The following ADARB2 variants were observed in gnomAD, a reference collection of about 807,000 sequenced individuals.
ADARB2 encodes the protein inactive double-stranded RNA-specific editase B2.
ADARB2 carries 25 observed loss-of-function variants against 62.2 expected under a neutral mutation model. The ratio of observed to expected loss-of-function variants is 0.40; its 90% CI spans 0.29 to 0.56. The LOEUF is 0.56. ADARB2 is among the 20% of genes least tolerant of loss of function. The pLI, the probability that ADARB2 is intolerant of heterozygous loss-of-function variation, is 0.43. For synonymous variants in ADARB2, 572 were observed against 500.8 expected, an observed-to-expected ratio of 1.14 and a Z score of -1.90; for missense variants, 1,071 against 1,077.4, an observed-to-expected ratio of 0.99 and a Z score of 0.08.
At chr10:1,298,720 ATTTTTTTTTTTTTTT>A (rs75978268) in intron 3 of ADARB2, among the ~76,000 whole-genome samples, 41 of 110,758 alleles carry the variant, frequency 3.7e-4, no homozygotes, top group African/African-American at 1.2e-3. Context: ...TGCGACGGGA[ATTTTTTTTTTTTTTT>A]TTTTTTTTTT....
At chr10:1,223,956 T>G (rs1273910206) in intron 6 of ADARB2, among the ~76,000 whole-genome samples, 16 of 152,180 alleles carry the variant, frequency 1.1e-4, no homozygotes, top group Admixed American at 3.9e-4. Context: ...TTAGGGAGGA[T>G]TCCCTCTTTT....
At chr10:1,557,451 A>G (rs1310844582) in intron 1 of ADARB2, among the ~76,000 whole-genome samples, 1 of 152,126 alleles carries the variant, frequency 6.6e-6, no homozygotes, top group African/African-American at 2.4e-5. Context: ...CGGTCCTCCA[A>G]CAGGCCCCAC....
chr10:1,233,694 G>A lies in ADARB2; in HGVS notation c.1513C>T (p.Leu505=), dbSNP rs1391955136. ...LHSPYEITTD[L]HSSKHLVRKF... ...AGAAGGTAAAAGCATGGTCTCTTACGGTCTGTGGTGATCTCGTAGGGAGAG... is the reference window on the plus strand; with the variant it reads ...AGAAGGTAAAAGCATGGTCTCTTACAGTCTGTGGTGATCTCGTAGGGAGAG... Residue 505 remains leucine (L), a splice_region_variant and synonymous_variant, in exon 6 of 10, where the codon CTG becomes TTG. Transcript: ENST00000381312. 16 of 1,612,640 alleles carry A rather than the reference G, an allele frequency of 9.9e-6. No individual in the cohort carries two copies. The highest frequency in any genetic ancestry group is 1.4e-5 in the Non-Finnish European group (16 of 1,179,324).
intron 1 of ADARB2, among the ~76,000 whole-genome samples, chr10:1,387,479 T>G (rs1832534890): frequency 6.6e-6 from 1 of 152,034 alleles, no homozygotes; most frequent in South Asian, 2.1e-4. Context: ...TGTAAACTAT[T>G]GTATGCTAGT....
chr10:1,672,581 C>T (rs1433248077), intron 1 of ADARB2, among the ~76,000 whole-genome samples: 1 of 141,846 alleles, frequency 7.0e-6, no homozygotes, highest in Non-Finnish European at 1.6e-5. Flanking sequence ...GCACGCGCTT[C>T]GCCTTCCTCC....
intron 1 of ADARB2, among the ~76,000 whole-genome samples, chr10:1,630,968 CAAACAA>C (rs375995486): frequency 7.2e-4 from 105 of 146,578 alleles, no homozygotes; most frequent in African/African-American, 2.6e-3. Context: ...AACAAACAAA[CAAACAA>C]ACAAACAAAC....
At position 1,353,770 on chromosome 10, in the gene ADARB2, A is replaced by C. The variant is rs1588229043; in HGVS notation, c.1077+9258T>G. ...CTACACACATCACAGAAACAATTAG[A>C]GCCTTCCAGTTCCGTATAACAGACA... is the stretch of plus-strand genomic sequence containing the variant. On this transcript the variant is annotated intron_variant, in intron 3 of 9. Coordinates refer to ENST00000381312, the MANE Select transcript of ADARB2 (RefSeq NM_018702.4). Among the ~76,000 whole-genome samples, 6 of 152,174 alleles carry C rather than the reference A, an allele frequency of 3.9e-5. 1 individual carries two copies. The South Asian group carries it at 1.0e-3, about 26-fold the overall frequency.
intron 1 of ADARB2, among the ~76,000 whole-genome samples, chr10:1,717,431 T>C (rs1041948352): frequency 6.6e-6 from 1 of 151,902 alleles, no homozygotes; most frequent in Non-Finnish European, 1.5e-5. Flanking sequence ...TCTCAGACCC[T>C]GCGCGAGAAG....
chr10:1,362,679 C>T (rs1832269890), intron 3 of ADARB2, among the ~76,000 whole-genome samples: 2 of 152,250 alleles, frequency 1.3e-5, no homozygotes, highest in East Asian at 3.9e-4. Context: ...AAACTTGACC[C>T]CAATTTTACC....
chr10:1,241,136 G>A (rs1485560548), intron 5 of ADARB2, among the ~76,000 whole-genome samples: 2 of 152,208 alleles, frequency 1.3e-5, no homozygotes, highest in East Asian at 3.8e-4. Context: ...GTGAACGCCT[G>A]TAGACCCAGC....
At chr10:1,225,731 T>A (rs185352635) in intron 6 of ADARB2, among the ~76,000 whole-genome samples, 60 of 144,982 alleles carry the variant, frequency 4.1e-4, no homozygotes. Flanking sequence ...GAATGTCGAA[T>A]GTTGGTCCCC....
At chr10:1,193,117 C>T (rs573314593) in intron 8 of ADARB2, among the ~76,000 whole-genome samples, 6 of 152,178 alleles carry the variant, frequency 3.9e-5, no homozygotes, top group Non-Finnish European at 8.8e-5. Context: ...CTGGCTGCAC[C>T]GTCTGTGAAT....
Position 1,185,495 on chromosome 10 carries a change from AAAAAC to A in ADARB2, c.1865-461_1865-457del, listed in dbSNP as rs59764134. Among the ~76,000 whole-genome samples the A allele has an allele frequency of 7.7e-3, 1,163 of 150,848 alleles. 16 individuals carry two copies. Among genetic ancestry groups the A allele is most frequent in the African/African-American group, 0.026 (1,078 of 40,966 alleles). On this transcript the variant is annotated intron_variant, in intron 8 of 9. Coordinates refer to ENST00000381312, the MANE Select transcript of ADARB2 (RefSeq NM_018702.4). ...TCGGGTTTACAGTTTAGCTGATGAG[AAAAAC>A]AAAACAAAACAAAACAATAAAAACC...
chr10:1,270,526 T>G lies in ADARB2; in HGVS notation c.1192+429A>C, dbSNP rs548973591. Among the ~76,000 whole-genome samples, 195 of 152,358 alleles carry G rather than the reference T, an allele frequency of 1.3e-3. 6 individuals are homozygous for G. The South Asian group carries it at 0.034, about 27-fold the overall frequency. The stretch of plus-strand genomic sequence containing the variant: ...ATCCTGGCTGACTGGAGAGGACGCC[T>G]TCTTGGCTCTCAGCATGCCCCTCGC... On this transcript the variant is annotated intron_variant, in intron 4 of 9. Transcript: ENST00000381312.
intron 1 of ADARB2, among the ~76,000 whole-genome samples, chr10:1,607,017 A>C (rs564137669): frequency 6.6e-6 from 1 of 152,346 alleles, no homozygotes; most frequent in African/African-American, 2.4e-5. Context: ...GATTTTTAAC[A>C]ACAACAAAAA....
chr10:1,688,575 C>T (rs2119123888), intron 1 of ADARB2, among the ~76,000 whole-genome samples: 1 of 152,362 alleles, frequency 6.6e-6, no homozygotes, highest in East Asian at 1.9e-4. Flanking sequence ...AGGAAAGCAG[C>T]AGCCCAGCGG....
chr10:1,453,212 A>C (rs1316918182), intron 1 of ADARB2, among the ~76,000 whole-genome samples: 1 of 152,212 alleles, frequency 6.6e-6, no homozygotes, highest in Non-Finnish European at 1.5e-5. Context: ...AAAACCAAGT[A>C]AATCATGGGC....
intron 1 of ADARB2, among the ~76,000 whole-genome samples, chr10:1,556,120 C>T (rs182413717): frequency 6.6e-6 from 1 of 152,178 alleles, no homozygotes; most frequent in African/African-American, 2.4e-5. Context: ...ATATGATGCT[C>T]AAGTGACGAA....
chr10:1,592,550 G>A (rs1833273794), intron 1 of ADARB2, among the ~76,000 whole-genome samples: 1 of 19,798 alleles, frequency 5.1e-5, no homozygotes. Context: ...CTCTGGCATG[G>A]TCCCCTCTGT....
Sources: gnomAD v4.1 joint callset for allele counts (sites outside exome capture counted in the v4.1 genomes callset) on GRCh38, gnomAD v4.1.1 for gene constraint, MANE v1.5 for transcripts, NCBI Gene and HGNC (gene_info 2026-07-23, HGNC 2026-07-21) for gene names.